AGAP1: variants seen among roughly 807,000 people sequenced by gnomAD.
The protein encoded by AGAP1 is ArfGAP with GTPase domain, ankyrin repeat and PH domain 1, also known as arf-GAP with GTPase, ANK repeat and PH domain-containing protein 1.
AGAP1 carries 29 observed loss-of-function variants against 105.3 expected under a neutral mutation model. The ratio of observed to expected loss-of-function variants is 0.28; its 90% confidence interval spans 0.21 to 0.38. The LOEUF (loss-of-function observed/expected upper bound fraction) is 0.38. Among genes scored for constraint, AGAP1 ranks in the 10% least tolerant of loss-of-function variants. The pLI is 1.00. For missense variants in AGAP1, 998 were observed against 1,165.1 expected (o/e 0.86, Z 2.09); for synonymous variants, 509 against 485.9 (o/e 1.05, Z -0.63).
In AGAP1 at chr2:236,055,167, C is replaced by T. The variant is rs963088028; in HGVS notation, c.2114+5886C>T. On this transcript the variant is annotated intron_variant, in intron 16 of 17. Transcript: ENST00000304032. This position sits in a 1 kb window ranked among gnomAD's most constrained non-coding sequence, Gnocchi z 6.2. ...ATAAACTCCTCTGATTCTATCATCC[C>T]GGATGCAGAGGGTTCAGGGAGCTGG... is the stretch of plus-strand genomic sequence containing the variant. Among the ~76,000 whole-genome samples, 3 of 152,158 alleles carry T rather than the reference C, an allele frequency of 2.0e-5. No homozygotes were observed. Among genetic ancestry groups the T allele is most frequent in the Non-Finnish European group, 2.9e-5 (2 of 68,040 alleles).
At position 236,000,946 on chromosome 2, in the gene AGAP1, G is replaced by A. The variant is rs1203366339; in HGVS notation, c.1645+32323G>A. On this transcript the variant is annotated intron_variant, in intron 13 of 17. Transcript: ENST00000304032. This position sits in a 1 kb window ranked among gnomAD's most constrained non-coding sequence, Gnocchi z 4.3. ...TGGCGTGAGGAGGGTGAGAGTCCAT[G>A]CCATAAAGGACTGTCATCCATCTGT... Among the ~76,000 whole-genome samples the A allele has an allele frequency of 2.6e-5, 4 of 152,184 alleles. No individual in the cohort carries two copies. The highest frequency in any genetic ancestry group is 9.6e-5 in the African/African-American group (4 of 41,458).
chr2:235,506,408 A>T (rs866224802), intron 1 of AGAP1, among the ~76,000 whole-genome samples: 2 of 152,030 alleles, frequency 1.3e-5, no homozygotes, highest in Non-Finnish European at 2.9e-5. Context: ...AGTCCTAGCT[A>T]CTTGAGTGGC....
Position 236,002,798 on chromosome 2 carries a change from T to C in AGAP1, c.1646-33763T>C, listed in dbSNP as rs1405887010. ...ATTCATTATTAGATTTCTATAAATA[T>C]AAATATTTATATGATATTTCTTGCG... is the stretch of plus-strand genomic sequence containing the variant. On this transcript the variant is annotated intron_variant, in intron 13 of 17. Transcript: ENST00000304032. This position sits in a 1 kb window ranked among gnomAD's most constrained non-coding sequence, Gnocchi z 4.3. Among the ~76,000 whole-genome samples the C allele has an allele frequency of 6.6e-6, 1 of 152,180 alleles. No individual in the cohort carries two copies. Among genetic ancestry groups the C allele is most frequent in the African/African-American group, 2.4e-5 (1 of 41,452 alleles).
At position 235,610,229 on chromosome 2, in the gene AGAP1, C is replaced by T. The variant is rs1022928102; in HGVS notation, c.164-98950C>T. On this transcript the variant is annotated intron_variant, in intron 1 of 17. Coordinates refer to ENST00000304032, the MANE Select transcript of AGAP1 (RefSeq NM_001037131.3). This position sits in a 1 kb window ranked among gnomAD's most constrained non-coding sequence, Gnocchi z 4.9. ...TGTGCCTGCTTGAGTCTGCACCGAA[C>T]ATGGCTCTAGCTTCTTCGTTGGCCA... is the stretch of plus-strand genomic sequence containing the variant. Among the ~76,000 whole-genome samples, 1 of 152,174 alleles carries T rather than the reference C, an allele frequency of 6.6e-6. No individual in the cohort carries two copies. The highest frequency in any genetic ancestry group is 1.5e-5 in the Non-Finnish European group (1 of 68,020).
intron 1 of AGAP1, among the ~76,000 whole-genome samples, chr2:235,547,970 C>T (rs1295461186): frequency 6.6e-6 from 1 of 152,210 alleles, no homozygotes; most frequent in Non-Finnish European, 1.5e-5. Context: ...GCACACGGTT[C>T]CTGAATTATT....
At position 235,976,619 on chromosome 2, in the gene AGAP1, G is replaced by A. The variant is rs920102717; in HGVS notation, c.1645+7996G>A. On this transcript the variant is annotated intron_variant, in intron 13 of 17. Coordinates refer to ENST00000304032, the MANE Select transcript of AGAP1 (RefSeq NM_001037131.3). This position sits in a 1 kb window ranked among gnomAD's most constrained non-coding sequence, Gnocchi z 4.5. ...CAAAAATGTTCATTGAGCACCTACT[G>A]CACGCAAGAGTTTTGTCTGATGCTG... 6.6e-6 allele frequency among the ~76,000 whole-genome samples: 1 copy of A among 152,182 alleles called. No homozygotes were observed. The highest frequency in any genetic ancestry group is 1.5e-5 in the Non-Finnish European group (1 of 68,042).
chr2:235,525,656 C>T (rs1209288765), intron 1 of AGAP1, among the ~76,000 whole-genome samples: 65 of 82,608 alleles, frequency 7.9e-4, no homozygotes, highest in Admixed American at 1.0e-3. Context: ...AGAGGACTGA[C>T]ACATAATGTG....
Position 235,754,212 on chromosome 2 carries a change from C to T in AGAP1, c.673+3724C>T, listed in dbSNP as rs1347665348. 1.3e-5 allele frequency among the ~76,000 whole-genome samples: 2 copies of T among 152,148 alleles called. No individual in the cohort carries two copies. The highest frequency in any genetic ancestry group is 1.5e-5 in the Non-Finnish European group (1 of 68,026). ...GGGCCTTAAGAACACACCAGCTTTG[C>T]CCACAGGTCTGGGGAGGGCCTTGCA... On this transcript the variant is annotated intron_variant, in intron 6 of 17. Transcript: ENST00000304032. The surrounding 1 kb of genome is among the most constrained non-coding windows in gnomAD (Gnocchi z 4.6).
chr2:235,565,451 G>A (rs1944318086), intron 1 of AGAP1, among the ~76,000 whole-genome samples: 1 of 152,224 alleles, frequency 6.6e-6, no homozygotes, highest in Non-Finnish European at 1.5e-5. Flanking sequence ...TGTTGCCTGT[G>A]CAGTTACACC....
At position 236,009,301 on chromosome 2, in the gene AGAP1, G is replaced by A. The variant is rs1036917678; in HGVS notation, c.1646-27260G>A. On this transcript the variant is annotated intron_variant, in intron 13 of 17. Transcript: ENST00000304032. The surrounding 1 kb of genome is among the most constrained non-coding windows in gnomAD (Gnocchi z 4.2). ...TCTAACCTCACAATGAAATCGCCAC[G>A]GACAAAAGATCACGGGATACCGGGA... Among the ~76,000 whole-genome samples, 1 of 152,098 alleles carries A rather than the reference G, an allele frequency of 6.6e-6. No homozygotes were observed. Among genetic ancestry groups the A allele is most frequent in the African/African-American group, 2.4e-5 (1 of 41,410 alleles).
rs1952046593 is a variant in AGAP1, at chr2:235,733,135, C to T, written c.311-7828C>T. On this transcript the variant is annotated intron_variant, in intron 3 of 17. Transcript: ENST00000304032. The surrounding 1 kb of genome is among the most constrained non-coding windows in gnomAD (Gnocchi z 5.0). ...CACATCCTCTTCCAGGTTCCCTTCA[C>T]CCATCCTGCGGGGTGGGAGGAATAT... Among the ~76,000 whole-genome samples, 1 of 152,206 alleles carries T rather than the reference C, an allele frequency of 6.6e-6. No homozygotes were observed. Among genetic ancestry groups the T allele is most frequent in the Non-Finnish European group, 1.5e-5 (1 of 68,032 alleles).
intron 15 of AGAP1, among the ~76,000 whole-genome samples, chr2:236,047,019 C>T (rs1209866226): frequency 6.6e-6 from 1 of 152,158 alleles, no homozygotes. Flanking sequence ...GTCCCAGCTA[C>T]TCGAGAAGCT....
At chr2:235,508,613 A>G (rs925544275) in intron 1 of AGAP1, among the ~76,000 whole-genome samples, 3 of 152,168 alleles carry the variant, frequency 2.0e-5, no homozygotes, top group South Asian at 2.1e-4. Flanking sequence ...GCCTGCGATT[A>G]CAGGTCCCGA....
At chr2:235,932,917 C>A (rs1374898652) in intron 12 of AGAP1, among the ~76,000 whole-genome samples, 1 of 152,216 alleles carries the variant, frequency 6.6e-6, no homozygotes, top group African/African-American at 2.4e-5. Context: ...ACTAAAGTCG[C>A]CTACGTTTGA....
intron 16 of AGAP1, among the ~76,000 whole-genome samples, chr2:236,093,861 T>G (rs1366117153): frequency 2.0e-5 from 3 of 152,058 alleles, no homozygotes; most frequent in South Asian, 2.1e-4. Flanking sequence ...ATTTGAAAAA[T>G]TACTTAAAAG....
rs1295812433 is a variant in AGAP1 at position 236,060,180 on chromosome 2, G to A, written c.2114+10899G>A. ...CTATAAAACTTTTAGAAGAAAATAC[G>A]GGGTAAATCTTTGTGACTTTAGATT... On this transcript the variant is annotated intron_variant, in intron 16 of 17. Coordinates refer to ENST00000304032, the MANE Select transcript of AGAP1 (RefSeq NM_001037131.3). Among the ~76,000 whole-genome samples, 7 of 152,306 alleles carry A rather than the reference G, an allele frequency of 4.6e-5. No homozygotes were observed. The South Asian group carries it at 1.2e-3, about 27-fold the overall frequency.
At chr2:235,604,651 T>C (rs1559283162) in intron 1 of AGAP1, among the ~76,000 whole-genome samples, 2 of 140,118 alleles carry the variant, frequency 1.4e-5, no homozygotes, top group Admixed American at 1.5e-4. Flanking sequence ...GGCACGATCT[T>C]GGCTCACTGC....
intron 1 of AGAP1, among the ~76,000 whole-genome samples, chr2:235,575,520 C>G (rs1011232354): frequency 2.0e-5 from 3 of 152,176 alleles, no homozygotes; most frequent in African/African-American, 7.2e-5. Context: ...CAGTGTGATT[C>G]TAGGCTGTTG....
chr2:235,615,793 A>G lies in AGAP1; in HGVS notation c.164-93386A>G, dbSNP rs1264280058. Among the ~76,000 whole-genome samples the G allele has an allele frequency of 6.6e-6, 1 of 152,190 alleles. No homozygotes were observed. Among genetic ancestry groups the G allele is most frequent in the East Asian group, 1.9e-4 (1 of 5,192 alleles). On this transcript the variant is annotated intron_variant, in intron 1 of 17. Transcript: ENST00000304032. This position sits in a 1 kb window ranked among gnomAD's most constrained non-coding sequence, Gnocchi z 5.0. ...ATTCTTGGGGATGAACTTCAAGGGC[A>G]GAAAATAAATGAAAGGGGATTACTT... is the stretch of plus-strand genomic sequence containing the variant.
Sources: allele counts gnomAD v4.1 joint callset (sites outside exome capture counted in the v4.1 genomes callset), GRCh38; gene constraint gnomAD v4.1.1; non-coding constraint Gnocchi (gnomAD v3.1); transcripts MANE v1.5; gene names NCBI Gene and HGNC (gene_info 2026-07-23, HGNC 2026-07-21).